Variants in PAG1 observed in about 807,000 individuals in gnomAD.
PAG1 encodes phosphoprotein membrane anchor with glycosphingolipid microdomains 1, also known as phosphoprotein associated with glycosphingolipid-enriched microdomains 1.
PAG1 carries 23 observed loss-of-function variants against 31.7 expected under a neutral mutation model. That is an observed-to-expected ratio of 0.73 (90% CI 0.52 to 1.03). The LOEUF is 1.03. PAG1 is among the 50% of genes least tolerant of loss of function. PAG1 has a pLI of 0.00. For missense variants in PAG1, 473 were observed against 540.7 expected (o/e 0.87, Z 1.24); for synonymous variants, 214 against 210.3 (o/e 1.02, Z -0.15).
At chr8:81,031,014 T>C (rs1216921603) in intron 2 of PAG1, among the ~76,000 whole-genome samples, 1 of 152,254 alleles carries the variant, frequency 6.6e-6, no homozygotes, top group East Asian at 1.9e-4. Context: ...GCATAATTCC[T>C]GATTTCTGAC....
At chr8:81,056,954 C>A (rs1808833953) in intron 2 of PAG1, among the ~76,000 whole-genome samples, 1 of 152,148 alleles carries the variant, frequency 6.6e-6, no homozygotes, top group African/African-American at 2.4e-5. Context: ...ATGCAGCCAA[C>A]AGACACATGA....
At chr8:81,027,632 G>A (rs1466301958) in intron 3 of PAG1, among the ~76,000 whole-genome samples, 4 of 152,132 alleles carry the variant, frequency 2.6e-5, no homozygotes, top group South Asian at 2.1e-4. Context: ...GAGGCCGGGC[G>A]CGGTGGCTCA....
intron 3 of PAG1, among the ~76,000 whole-genome samples, chr8:81,025,420 A>C (rs1389543356): frequency 6.6e-6 from 1 of 152,140 alleles, no homozygotes; most frequent in African/African-American, 2.4e-5. Context: ...TGCACCCATC[A>C]AACTCCTCAG....
chr8:81,098,945 C>T (rs191780817), intron 1 of PAG1, among the ~76,000 whole-genome samples: 2 of 152,112 alleles, frequency 1.3e-5, no homozygotes, highest in East Asian at 3.9e-4. Flanking sequence ...GTCTCACAAA[C>T]CTTTACCCAC....
Position 80,972,329 on chromosome 8 carries a change from G to C in PAG1, c.*4215C>G, listed in dbSNP as rs1488933028. 6.6e-6 allele frequency: 1 copy of C among 152,078 alleles called. No individual in the cohort carries two copies. The highest frequency in any genetic ancestry group is 2.4e-5 in the African/African-American group (1 of 41,402). The allele number at this position is 152,078 out of a possible 1,614,324, so 9.4% of individuals were successfully genotyped here. ...ATGGACTCATATTAACTATTACAAG[G>C]GGCACTGGAAAAAAAGGTCATTTGC... On this transcript the variant is annotated 3_prime_UTR_variant, in exon 9 of 9. Transcript: ENST00000220597.
At chr8:81,056,472 G>C (rs371732621) in intron 2 of PAG1, among the ~76,000 whole-genome samples, 1 of 152,036 alleles carries the variant, frequency 6.6e-6, no homozygotes, top group Non-Finnish European at 1.5e-5. Context: ...AATGGGGAAA[G>C]GATTCCCTAT....
At chr8:80,998,689 T>C (rs907903441) in intron 3 of PAG1, among the ~76,000 whole-genome samples, 5 of 152,134 alleles carry the variant, frequency 3.3e-5, no homozygotes, top group Non-Finnish European at 5.9e-5. Flanking sequence ...GGTTCTCTGA[T>C]CATAGCAAAT....
intron 2 of PAG1, among the ~76,000 whole-genome samples, chr8:81,053,847 T>C (rs1808771632): frequency 6.6e-6 from 1 of 152,146 alleles, no homozygotes; most frequent in Non-Finnish European, 1.5e-5. Context: ...CAAGATCTTA[T>C]GAGAAAGGTT....
At chr8:80,991,818 T>C (rs912028005) in intron 4 of PAG1, among the ~76,000 whole-genome samples, 6 of 151,018 alleles carry the variant, frequency 4.0e-5, no homozygotes, top group African/African-American at 1.5e-4. Context: ...TGGGCCTGCG[T>C]AGAAATTGTT....
intron 1 of PAG1, among the ~76,000 whole-genome samples, chr8:81,083,484 C>CCCCAGCT (rs1161931960): frequency 2.6e-5 from 4 of 152,052 alleles, no homozygotes; most frequent in Admixed American, 2.6e-4. Flanking sequence ...CCTTGGGACA[C>CCCCAGCT]CCCAGCTCTC....
In PAG1 at chr8:81,106,946, G is replaced by A. The variant is rs6999570; in HGVS notation, c.-234+4645C>T. On this transcript the variant is annotated intron_variant, in intron 1 of 8. Transcript: ENST00000220597. ...TGACAGATGACACTGCTGTAGTAAT[G>A]TGGTTCTCCCATGACAGTTCACTGC... Among the ~76,000 whole-genome samples, 567 of 152,246 alleles carry A rather than the reference G, an allele frequency of 3.7e-3. 2 individuals are homozygous for A. Among genetic ancestry groups the A allele is most frequent in the Middle Eastern group, 6.8e-3 (2 of 294 alleles).
At chr8:81,106,858 C>A (rs1293133722) in intron 1 of PAG1, among the ~76,000 whole-genome samples, 1 of 152,144 alleles carries the variant, frequency 6.6e-6, no homozygotes, top group Non-Finnish European at 1.5e-5. Context: ...TAAGATAACA[C>A]GTTTAAGCCT....
At chr8:81,019,042 C>A (rs533071736) in intron 3 of PAG1, among the ~76,000 whole-genome samples, 22 of 152,108 alleles carry the variant, frequency 1.4e-4, no homozygotes, top group Admixed American at 2.6e-4. Flanking sequence ...ATGGAAATGG[C>A]AAACTTGTTG....
intron 1 of PAG1, among the ~76,000 whole-genome samples, chr8:81,077,454 T>A (rs1180309600): frequency 6.6e-6 from 1 of 152,204 alleles, no homozygotes; most frequent in Admixed American, 6.5e-5. Context: ...AACCCACAGA[T>A]TGCAGGGAAC....
chr8:81,028,216 T>C (rs1289945314), intron 3 of PAG1, among the ~76,000 whole-genome samples: 2 of 152,258 alleles, frequency 1.3e-5, no homozygotes, highest in African/African-American at 4.8e-5. Flanking sequence ...CCAGCTCAGT[T>C]TCCAGTTCAC....
At chr8:80,986,388 G>T (rs1367709925) in intron 6 of PAG1, among the ~76,000 whole-genome samples, 2 of 152,150 alleles carry the variant, frequency 1.3e-5, no homozygotes, top group African/African-American at 4.8e-5. Context: ...GTAAACAGGG[G>T]TAACAGGACG....
intron 2 of PAG1, among the ~76,000 whole-genome samples, chr8:81,057,445 T>C (rs185849439): frequency 3.0e-4 from 46 of 151,794 alleles, no homozygotes; most frequent in African/African-American, 9.2e-4. Context: ...CTGAAAACCA[T>C]CATTCACAGC....
chr8:81,050,590 A>G (rs914728056), intron 2 of PAG1, among the ~76,000 whole-genome samples: 6 of 152,190 alleles, frequency 3.9e-5, no homozygotes, highest in Admixed American at 6.5e-5. Flanking sequence ...TAAAAAAAAA[A>G]TGGTACTCAC....
chr8:81,102,521 C>T (rs1809625714), intron 1 of PAG1, among the ~76,000 whole-genome samples: 1 of 152,010 alleles, frequency 6.6e-6, no homozygotes, highest in South Asian at 2.1e-4. Context: ...CTAGAAATTG[C>T]TTTCATCTGG....
Sources: allele counts gnomAD v4.1 joint callset (sites outside exome capture counted in the v4.1 genomes callset), GRCh38; gene constraint gnomAD v4.1.1; transcripts MANE v1.5; gene names NCBI Gene and HGNC (gene_info 2026-07-23, HGNC 2026-07-21).